Variants in PCDH15 observed in about 807,000 individuals in gnomAD.
PCDH15 encodes protocadherin-15.
A neutral mutation model predicts 178.5 loss-of-function variants in PCDH15; 129 were observed. The ratio of observed to expected loss-of-function variants is 0.72; its 90% CI spans 0.63 to 0.84. PCDH15 has a LOEUF of 0.84. Among genes scored for constraint, PCDH15 ranks in the 40% least tolerant of loss-of-function variants. The probability of loss-of-function intolerance (pLI) is 0.00; values close to 1 mark genes in which losing one functional copy is unlikely to be tolerated. For missense variants in PCDH15, 2,230 were observed against 2,099.9 expected (o/e 1.06, Z -1.21); for synonymous variants, 800 against 732.0 (o/e 1.09, Z -1.50).
intron 2 of PCDH15, among the ~76,000 whole-genome samples, chr10:55,481,278 A>G (rs1231849720): frequency 6.6e-6 from 1 of 151,564 alleles, no homozygotes; most frequent in Non-Finnish European, 1.5e-5. Context: ...TTTTTTCAGA[A>G]AAACAGCTTC....
At position 54,195,639 on chromosome 10, in the gene PCDH15, G is replaced by T; in HGVS notation, c.1305+44C>A. 3 of 1,486,846 alleles carry T rather than the reference G, an allele frequency of 2.0e-6. No individual in the cohort carries two copies. The South Asian group carries it at 3.4e-5, about 17-fold the overall frequency. 92.1% of individuals were successfully genotyped at this position (1,486,846 alleles called of 1,614,324 possible). ...TCATATTTCCCATTAATGGAAATAT[G>T]AGATTTGTTACACAAACAAGAGCAA... On this transcript the variant is annotated intron_variant, in intron 11 of 37. Transcript: ENST00000644397.
chr10:54,945,323 T>C (rs1838166014), intron 2 of PCDH15, among the ~76,000 whole-genome samples: 1 of 123,550 alleles, frequency 8.1e-6, no homozygotes, highest in African/African-American at 3.0e-5. Flanking sequence ...GATGGATGTA[T>C]GGATAGATAG....
At chr10:53,879,535 T>C (rs936569058) in intron 26 of PCDH15, among the ~76,000 whole-genome samples, 8 of 152,180 alleles carry the variant, frequency 5.3e-5, no homozygotes, top group Non-Finnish European at 1.2e-4. Flanking sequence ...CTGAAGGATT[T>C]ACGATGTATA....
chr10:54,062,259 A>AAAAAAAAT (rs1565159257), intron 18 of PCDH15, among the ~76,000 whole-genome samples: 1 of 105,964 alleles, frequency 9.4e-6, no homozygotes. Context: ...AAAACAAAAA[A>AAAAAAAAT]CAACTAAATG....
At chr10:54,976,743 T>C (rs1051065671) in intron 2 of PCDH15, among the ~76,000 whole-genome samples, 2 of 152,200 alleles carry the variant, frequency 1.3e-5, no homozygotes, top group African/African-American at 2.4e-5. Context: ...TGCCTACATC[T>C]TAGCAGAACT....
intron 1 of PCDH15, among the ~76,000 whole-genome samples, chr10:54,690,108 G>A (rs2095091206): frequency 6.6e-6 from 1 of 152,108 alleles, no homozygotes; most frequent in Non-Finnish European, 1.5e-5. Context: ...GAATGGAGCT[G>A]AAAAATGTCT....
intron 2 of PCDH15, among the ~76,000 whole-genome samples, chr10:55,026,334 C>A (rs1437598848): frequency 6.6e-6 from 1 of 151,872 alleles, no homozygotes; most frequent in African/African-American, 2.4e-5. Context: ...AGAAGAGATA[C>A]ATACTGCCTG....
chr10:55,514,770 GA>G lies in PCDH15; in HGVS notation c.-156+112854del, dbSNP rs1194719726. ...TTTCTTTATGACCAGTTTTTACACA[GA>G]AAGGCAGAGGGAAAGTTAGAATAAT... is the stretch of plus-strand genomic sequence containing the variant. On this transcript the variant is annotated intron_variant, in intron 2 of 5. Coordinates refer to the PCDH15 transcript ENST00000613346. Among the ~76,000 whole-genome samples, 3 of 152,062 alleles carry G rather than the reference GA, an allele frequency of 2.0e-5. No individual in the cohort carries two copies. In the East Asian group the frequency reaches 5.8e-4, roughly 29 times the overall value.
chr10:55,457,608 G>A (rs1204455033), intron 2 of PCDH15, among the ~76,000 whole-genome samples: 1 of 152,008 alleles, frequency 6.6e-6, no homozygotes, highest in Non-Finnish European at 1.5e-5. Flanking sequence ...CAATTAATTA[G>A]CAAGTTCCAA....
At chr10:54,042,862 A>G (rs563160354) in intron 18 of PCDH15, among the ~76,000 whole-genome samples, 3 of 152,262 alleles carry the variant, frequency 2.0e-5, no homozygotes, top group African/African-American at 7.2e-5. Flanking sequence ...GATACTATTT[A>G]CATAATCTAG....
At chr10:53,813,060 C>A (rs1211164668) in intron 35 of PCDH15, among the ~76,000 whole-genome samples, 1 of 152,128 alleles carries the variant, frequency 6.6e-6, no homozygotes, top group East Asian at 1.9e-4. Context: ...GAAAATGACA[C>A]CAACACTGTG....
intron 2 of PCDH15, among the ~76,000 whole-genome samples, chr10:54,956,895 A>T (rs1838504847): frequency 6.6e-6 from 1 of 151,718 alleles, no homozygotes; most frequent in Non-Finnish European, 1.5e-5. Flanking sequence ...ATCATTGAAT[A>T]TGGAATATGC....
intron 2 of PCDH15, among the ~76,000 whole-genome samples, chr10:55,474,059 A>C (rs1202023894): frequency 1.3e-5 from 2 of 152,158 alleles, no homozygotes. Flanking sequence ...GCCACTTCCC[A>C]CCATATAATA....
intron 2 of PCDH15, among the ~76,000 whole-genome samples, chr10:55,128,257 G>T (rs191621795): frequency 2.8e-4 from 42 of 151,608 alleles, no homozygotes; most frequent in African/African-American, 8.7e-4. Context: ...GCATATTAAA[G>T]ATTGGGAAAA....
chr10:54,028,016 G>C (rs1237278572), intron 18 of PCDH15, among the ~76,000 whole-genome samples: 1 of 150,646 alleles, frequency 6.6e-6, no homozygotes, highest in South Asian at 2.1e-4. Flanking sequence ...CCCACACAAT[G>C]GGAGAAAATT....
At chr10:54,172,249 A>C (rs1301738194) in intron 13 of PCDH15, among the ~76,000 whole-genome samples, 7 of 152,062 alleles carry the variant, frequency 4.6e-5, no homozygotes, top group African/African-American at 9.7e-5. Context: ...TACCTTGTGA[A>C]AGTCCTTTTC....
chr10:55,239,174 T>C (rs545705537), intron 1 of PCDH15, among the ~76,000 whole-genome samples: 3 of 152,292 alleles, frequency 2.0e-5, no homozygotes, highest in Admixed American at 1.3e-4. Context: ...GTTCCATCCA[T>C]GTTGTTGCAA....
chr10:54,662,779 A>T (rs2094510760), intron 2 of PCDH15, among the ~76,000 whole-genome samples: 1 of 152,028 alleles, frequency 6.6e-6, no homozygotes, highest in Non-Finnish European at 1.5e-5. Context: ...AGAATGCCTT[A>T]TTATATAAAG....
intron 8 of PCDH15, among the ~76,000 whole-genome samples, chr10:54,299,795 G>C: frequency 6.6e-6 from 1 of 152,112 alleles, no homozygotes; most frequent in East Asian, 1.9e-4. Flanking sequence ...CTGCTCAAAC[G>C]TGCGAGTTGT....
Sources: gnomAD v4.1 joint callset for allele counts (sites outside exome capture counted in the v4.1 genomes callset) on GRCh38, gnomAD v4.1.1 for gene constraint, MANE v1.5 for transcripts, NCBI Gene and HGNC (gene_info 2026-07-23, HGNC 2026-07-21) for gene names.